DEPDC5: variants seen among roughly 807,000 people sequenced by gnomAD.
DEPDC5 encodes GATOR1 complex protein DEPDC5.
A neutral mutation model predicts 217.3 loss-of-function variants in DEPDC5; 73 were observed. The ratio of observed to expected loss-of-function variants is 0.34; its 90% CI spans 0.28 to 0.41. The LOEUF is 0.41. Ranked by LOEUF, DEPDC5 falls within the 10% of genes least tolerant of loss-of-function variation. DEPDC5 has a pLI of 1.00. For missense variants in DEPDC5, 1,675 were observed against 2,070.1 expected (o/e 0.81, Z 3.70); for synonymous variants, 733 against 756.7 (o/e 0.97, Z 0.51).
chr22:31,863,959 G>C (rs1182532877), intron 33 of DEPDC5, among the ~76,000 whole-genome samples: 1 of 151,720 alleles, frequency 6.6e-6, no homozygotes, highest in African/African-American at 2.4e-5. Context: ...GAAGTAGTAA[G>C]AGCTCATTAT....
chr22:31,885,646 A>T (rs943707680), intron 38 of DEPDC5, among the ~76,000 whole-genome samples: 7 of 150,156 alleles, frequency 4.7e-5, no homozygotes, highest in Non-Finnish European at 8.9e-5. Context: ...AATGGCGTGA[A>T]CCTGGGAGGC....
intron 8 of DEPDC5, 46 bp downstream of exon 8, chr22:31,778,214 T>C: frequency 6.4e-7 from 1 of 1,564,254 alleles, no homozygotes; most frequent in Non-Finnish European, 8.8e-7. Flanking sequence ...TCCATACTAT[T>C]ATGGCTAAGT....
intron 7 of DEPDC5, among the ~76,000 whole-genome samples, chr22:31,777,415 C>G (rs1052094777): frequency 6.7e-6 from 1 of 150,112 alleles, no homozygotes; most frequent in Non-Finnish European, 1.5e-5. Flanking sequence ...CGCATGCCAC[C>G]ACGCCCAGCT....
chr22:31,865,475 G>A lies in DEPDC5; in HGVS notation c.3330+4042G>A, dbSNP rs143216650. On this transcript the variant is annotated intron_variant, in intron 33 of 42. Transcript: ENST00000651528. ...TGTGCTACTGCACTCCAGCCCGGGC[G>A]ACAGAGCAAGACCTGTCTCAAAACA... 2.6e-3 allele frequency among the ~76,000 whole-genome samples: 399 copies of A among 152,144 alleles called. 1 individual carries two copies. Among genetic ancestry groups the A allele is most frequent in the Non-Finnish European group, 4.8e-3 (329 of 68,008 alleles).
chr22:31,761,470 T>G (rs553573901), intron 4 of DEPDC5, among the ~76,000 whole-genome samples: 1 of 152,172 alleles, frequency 6.6e-6, no homozygotes, highest in African/African-American at 2.4e-5. Flanking sequence ...TGATTCCATT[T>G]TTTTATGACT....
chr22:31,759,817 GAACT>G lies in DEPDC5; in HGVS notation c.147-837_147-834del, dbSNP rs2082241864. Among the ~76,000 whole-genome samples, 6 of 151,086 alleles carry G rather than the reference GAACT, an allele frequency of 4.0e-5. No individual in the cohort carries two copies. In the South Asian group the frequency reaches 1.3e-3, roughly 32 times the overall value. On this transcript the variant is annotated intron_variant, in intron 3 of 42. Coordinates refer to ENST00000651528, the MANE Select transcript of DEPDC5 (RefSeq NM_001242896.3). The stretch of plus-strand genomic sequence containing the variant: ...TCTGCCTCAGCCTGTCGAGTAGCTG[GAACT>G]ACAGGTGTGGGCCACCACACCTGGC...
chr22:31,834,586 G>A (rs1054405937), intron 25 of DEPDC5, among the ~76,000 whole-genome samples: 6 of 150,228 alleles, frequency 4.0e-5, no homozygotes, highest in Admixed American at 6.7e-5. Context: ...ACGTGATCTC[G>A]GCTCACTGCC....
intron 4 of DEPDC5, among the ~76,000 whole-genome samples, chr22:31,763,830 C>T (rs912737688): frequency 1.3e-5 from 2 of 151,908 alleles, no homozygotes; most frequent in Non-Finnish European, 2.9e-5. Context: ...GTTATCCCTG[C>T]TCTGCAAGGA....
At chr22:31,754,280 C>T (rs1391090483) in intron 1 of DEPDC5, 116 bp downstream of exon 1, 1 of 154,330 alleles carries the variant, frequency 6.5e-6, no homozygotes, top group African/African-American at 2.4e-5. Flanking sequence ...TTGGACAAGT[C>T]TCTCTCCCTC....
chr22:31,777,922 A>G (rs542732694), intron 7 of DEPDC5, 177 bp from the exon 8 acceptor site: 5 of 617,570 alleles, frequency 8.1e-6, no homozygotes, highest in Non-Finnish European at 1.4e-5. Context: ...TAAATTTTGG[A>G]TTTTTAGTAT....
chr22:31,906,054 A>G lies in DEPDC5; in HGVS notation c.4507A>G (p.Ile1503Val), dbSNP rs759374167. 9 of 1,614,170 alleles carry G rather than the reference A, an allele frequency of 5.6e-6. No homozygotes were observed. The highest frequency in any genetic ancestry group is 7.6e-6 in the Non-Finnish European group (9 of 1,180,032). Residue 1503 changes from isoleucine to valine, a missense_variant, in exon 42 of 43, where the codon ATC becomes GTC. Ile to Val is a conservative substitution (Grantham distance 29, BLOSUM62 3). This residue lies in a region of DEPDC5 where 182 missense variants were observed against 290.1 expected (regional missense o/e 0.63). Coordinates refer to ENST00000651528, the MANE Select transcript of DEPDC5 (RefSeq NM_001242896.3). This position sits in a 1 kb window ranked among gnomAD's most constrained non-coding sequence, Gnocchi z 5.1. ...CCCTGCTGAGAACAAGCCTCAGTAT[A>G]TCCACGTTACAGGTGAGGAGCTACG... ...NFPAENKPQY[I>V]HVTGTVFLQL...
At chr22:31,852,394 G>A (rs2092077647) in intron 31 of DEPDC5, among the ~76,000 whole-genome samples, 1 of 144,926 alleles carries the variant, frequency 6.9e-6, no homozygotes, top group Non-Finnish European at 1.5e-5. Context: ...AGGCTGGAGT[G>A]CAATGGCACG....
At chr22:31,762,582 G>A (rs997054612) in intron 4 of DEPDC5, among the ~76,000 whole-genome samples, 22 of 152,096 alleles carry the variant, frequency 1.4e-4, no homozygotes, top group African/African-American at 4.8e-4. Flanking sequence ...TGACCAACAT[G>A]GTAAAACCCC....
intron 10 of DEPDC5, among the ~76,000 whole-genome samples, chr22:31,791,096 C>T (rs991069036): frequency 1.3e-5 from 2 of 152,028 alleles, no homozygotes; most frequent in Non-Finnish European, 2.9e-5. Flanking sequence ...CCTGGTGACG[C>T]GTGTCTGTAG....
chr22:31,869,487 C>G (rs980505274), intron 33 of DEPDC5, among the ~76,000 whole-genome samples: 1 of 150,296 alleles, frequency 6.7e-6, no homozygotes, highest in Non-Finnish European at 1.5e-5. Flanking sequence ...ATCGCTTGAA[C>G]CCAGGAGGCA....
In DEPDC5 at chr22:31,824,060, A is replaced by C. The variant is rs538432179; in HGVS notation, c.2104+1270A>C. On this transcript the variant is annotated intron_variant, in intron 24 of 42. Coordinates refer to ENST00000651528, the MANE Select transcript of DEPDC5 (RefSeq NM_001242896.3). ...GAATTTCTAAAACCTAGCTTAAGAAAGGTGTCATTGCTGGGCACAGTGGCT... is the reference window on the plus strand; with the variant it reads ...GAATTTCTAAAACCTAGCTTAAGAACGGTGTCATTGCTGGGCACAGTGGCT... Among the ~76,000 whole-genome samples the C allele has an allele frequency of 7.9e-5, 12 of 152,350 alleles. No homozygotes were observed. The East Asian group carries it at 1.3e-3, about 17-fold the overall frequency.
chr22:31,784,688 C>A, intron 9 of DEPDC5, 126 bp from the exon 10 acceptor site: 2 of 744,620 alleles, frequency 2.7e-6, no homozygotes, highest in South Asian at 1.9e-5. Flanking sequence ...GAAGAAGTTG[C>A]AAGCAGTTTA....
intron 4 of DEPDC5, among the ~76,000 whole-genome samples, chr22:31,762,937 C>T (rs1354304060): frequency 6.6e-6 from 1 of 152,010 alleles, no homozygotes; most frequent in African/African-American, 2.4e-5. Flanking sequence ...GCCTCAGCCT[C>T]CCAGGTAGTT....
intron 2 of DEPDC5, 52 bp downstream of exon 2, chr22:31,755,031 G>A: frequency 6.2e-7 from 1 of 1,603,494 alleles, no homozygotes. Context: ...AGGTTCTGGT[G>A]TGTGCAATAC....
Sources: allele counts gnomAD v4.1 joint callset (sites outside exome capture counted in the v4.1 genomes callset), GRCh38; gene constraint gnomAD v4.1.1; regional missense constraint gnomAD v4.1.1; non-coding constraint Gnocchi (gnomAD v3.1); transcripts MANE v1.5; gene names NCBI Gene and HGNC (gene_info 2026-07-23, HGNC 2026-07-21).